Variants in ZNF324B observed in about 807,000 individuals in gnomAD.
ZNF324B encodes zinc finger protein 324B.
Under a neutral mutation model 10.6 loss-of-function variants are expected in ZNF324B, and 7 were observed. The ratio of observed to expected loss-of-function variants is 0.66; its 90% CI spans 0.38 to 1.24. ZNF324B has a LOEUF of 1.24. Ranked by LOEUF, ZNF324B falls within the 50% of genes most tolerant of loss-of-function variation. The probability of loss-of-function intolerance (pLI) is 0.02; values close to 1 mark genes in which losing one functional copy is unlikely to be tolerated. For missense variants in ZNF324B, 640 were observed against 764.7 expected (o/e 0.84, Z 1.92); for synonymous variants, 316 against 321.0 (o/e 0.98, Z 0.17).
At chr19:58,427,375 TTTC>T in the ZNF324B span, among the ~76,000 whole-genome samples, 2 of 50,476 alleles carry the variant, frequency 4.0e-5, 1 homozygote, top group African/African-American at 1.5e-4. Context: ...TCTTTCTTTC[TTTC>T]TTTCTTTCTT....
At chr19:58,434,862 G>A in the ZNF324B span, 2 of 1,614,036 alleles carry the variant, frequency 1.2e-6, no homozygotes, top group African/African-American at 2.7e-5. Flanking sequence ...CACCTTCCCT[G>A]CAAGTGAAGG....
chr19:58,441,740 T>G, the ZNF324B span: 1 of 152,268 alleles, frequency 6.6e-6, no homozygotes. Context: ...GAGGATAGGA[T>G]TTGGGAAGGA....
At chr19:58,453,654 A>G (rs763619144) in intron 1 of ZNF324B, 42 bp from the exon 2 acceptor site, 14 of 1,613,980 alleles carry the variant, frequency 8.7e-6, no homozygotes, top group Admixed American at 1.7e-5. Context: ...GCTCACAGCC[A>G]TACCTTAGAC....
At chr19:58,437,171 G>C in the ZNF324B span, 2 of 1,612,828 alleles carry the variant, frequency 1.2e-6, no homozygotes, top group Non-Finnish European at 1.7e-6. Flanking sequence ...AGGTTACCAT[G>C]CTCTTCAATG....
chr19:58,430,782 G>T, the ZNF324B span: 1 of 152,202 alleles, frequency 6.6e-6, no homozygotes, highest in Non-Finnish European at 1.5e-5. Flanking sequence ...TTCTTAGGTG[G>T]TTGAAGAGGG....
chr19:58,437,424 C>T, the ZNF324B span, among the ~76,000 whole-genome samples: 1 of 152,166 alleles, frequency 6.6e-6, no homozygotes, highest in Admixed American at 6.5e-5. Context: ...CTAGTAGTCC[C>T]ACTGGTCACT....
At chr19:58,432,323 A>C in the ZNF324B span, 1 of 518,034 alleles carries the variant, frequency 1.9e-6, no homozygotes, top group Non-Finnish European at 3.9e-6. Context: ...AAAAACTTTA[A>C]CATGGCAAAT....
chr19:58,428,836 C>A, the ZNF324B span: 18 of 152,190 alleles, frequency 1.2e-4, no homozygotes, highest in African/African-American at 4.3e-4. Flanking sequence ...TGATAGTTCC[C>A]ACATAGCCCT....
Position 58,456,937 on chromosome 19 carries a change from G to T in ZNF324B, c.*358G>T, listed in dbSNP as rs1016676141. 8 of 326,694 alleles carry T rather than the reference G, an allele frequency of 2.4e-5. No homozygotes were observed. Among genetic ancestry groups the T allele is most frequent in the Admixed American group, 4.3e-5 (1 of 23,092 alleles). The allele number at this position is 326,694 out of a possible 1,614,324, so 20.2% of individuals were successfully genotyped here. ...TGAGAGTGGATGCTGAGGTGAGGGG[G>T]ATGCGGACATGGGGTAGGATGACCT... On this transcript the variant is annotated 3_prime_UTR_variant, in exon 4 of 4. Transcript: ENST00000336614. The surrounding 1 kb of genome is among the most constrained non-coding windows in gnomAD (Gnocchi z 4.7).
chr19:58,449,156 A>C (rs2052839926), upstream of ZNF324B, among the ~76,000 whole-genome samples: 1 of 152,236 alleles, frequency 6.6e-6, no homozygotes, highest in Non-Finnish European at 1.5e-5. Context: ...CTGTGGCTTC[A>C]GAGGGTGCAA....
At chr19:58,436,692 AG>A in the ZNF324B span, among the ~76,000 whole-genome samples, 15 of 146,290 alleles carry the variant, frequency 1.0e-4, no homozygotes, top group South Asian at 2.1e-4. Context: ...AAAAAAAAAA[AG>A]GAAAAAAAAA....
chr19:58,431,535 A>G, the ZNF324B span, among the ~76,000 whole-genome samples: 1 of 152,250 alleles, frequency 6.6e-6, no homozygotes, highest in East Asian at 1.9e-4. Flanking sequence ...AGCTAGGACT[A>G]TAGGTGTGCA....
chr19:58,441,092 C>G, the ZNF324B span: 7 of 152,308 alleles, frequency 4.6e-5, no homozygotes, highest in African/African-American at 7.2e-5. Flanking sequence ...GGACTTGACC[C>G]TGACCTGAGC....
chr19:58,446,543 G>A, the ZNF324B span, among the ~76,000 whole-genome samples: 1,297 of 150,552 alleles, frequency 8.6e-3, 22 homozygotes, highest in African/African-American at 0.03. Context: ...CCCATTCCAA[G>A]CAAGGAGCCT....
the ZNF324B span, chr19:58,434,365 G>A: frequency 1.2e-6 from 2 of 1,614,260 alleles, no homozygotes; most frequent in Non-Finnish European, 1.7e-6. Context: ...AATGAGGTGT[G>A]ATCTGTTACT....
the ZNF324B span, among the ~76,000 whole-genome samples, chr19:58,438,818 T>A: frequency 6.6e-6 from 1 of 151,128 alleles, no homozygotes; most frequent in Non-Finnish European, 1.5e-5. Context: ...TCACTCAGGC[T>A]GGAGCGCAGT....
In ZNF324B at chr19:58,455,800, G is replaced by A. The variant is rs1472307892; in HGVS notation, c.856G>A (p.Glu286Lys). The change falls in exon 4 of 4, where the codon GAG becomes AAG. Residue 286 changes from glutamate (E) to lysine (K), a missense_variant. This residue lies in a region of ZNF324B where 345 missense variants were observed against 387.9 expected (regional missense o/e 0.89). Transcript: ENST00000336614. This position sits in a 1 kb window ranked among gnomAD's most constrained non-coding sequence, Gnocchi z 7.0. ...LRTHTGERPY[E>K]CTQCGKAFSQ... ...CACCCACACCGGGGAGCGGCCCTACGAGTGCACCCAGTGCGGCAAGGCCTT... is the reference window on the plus strand; with the variant it reads ...CACCCACACCGGGGAGCGGCCCTACAAGTGCACCCAGTGCGGCAAGGCCTT... 3.1e-6 allele frequency: 5 copies of A among 1,614,002 alleles called. No individual in the cohort carries two copies. The highest frequency in any genetic ancestry group is 2.7e-5 in the African/African-American group (2 of 74,946).
At chr19:58,441,516 T>G in the ZNF324B span, 1 of 152,170 alleles carries the variant, frequency 6.6e-6, no homozygotes, top group Non-Finnish European at 1.5e-5. Context: ...TTAGGAAGAA[T>G]TAGGATGCCT....
At chr19:58,442,780 C>T in the ZNF324B span, 1 of 152,336 alleles carries the variant, frequency 6.6e-6, no homozygotes, top group East Asian at 1.9e-4. Flanking sequence ...GTCTCGCTGG[C>T]TTCAGGAGTG....
Sources: gnomAD v4.1 joint callset for allele counts (sites outside exome capture counted in the v4.1 genomes callset) on GRCh38, gnomAD v4.1.1 for gene constraint, gnomAD v4.1.1 regional missense constraint, Gnocchi (gnomAD v3.1) non-coding constraint, MANE v1.5 for transcripts, NCBI Gene and HGNC (gene_info 2026-07-23, HGNC 2026-07-21) for gene names.